XKR4: variants seen among roughly 807,000 people sequenced by gnomAD.
The protein encoded by XKR4 is XK related 4, also known as XK-related protein 4.
In XKR4, 12 loss-of-function variants were observed where a neutral mutation model predicts 53.9. That is an observed-to-expected ratio of 0.22 (90% CI 0.14 to 0.36). XKR4 has a LOEUF of 0.36. XKR4 is among the 10% of genes least tolerant of loss of function. XKR4 has a pLI of 1.00. For synonymous variants in XKR4, 354 were observed against 362.4 expected, an observed-to-expected ratio of 0.98 and a Z score of 0.26; for missense variants, 799 against 859.5, an observed-to-expected ratio of 0.93 and a Z score of 0.88.
intron 2 of XKR4, among the ~76,000 whole-genome samples, chr8:55,380,122 C>T (rs181450479): frequency 9.2e-5 from 14 of 152,370 alleles, no homozygotes; most frequent in Non-Finnish European, 1.2e-4. Context: ...TCTGAATGCT[C>T]CATTGGTTCT....
intron 2 of XKR4, among the ~76,000 whole-genome samples, chr8:55,428,302 G>A (rs58605794): frequency 1.4e-3 from 220 of 152,222 alleles, no homozygotes; most frequent in African/African-American, 5.1e-3. Flanking sequence ...TGCCTCATAT[G>A]TTTCAGATTT....
chr8:55,134,196 C>G (rs1033996913), intron 1 of XKR4, among the ~76,000 whole-genome samples: 2 of 152,170 alleles, frequency 1.3e-5, no homozygotes, highest in East Asian at 3.9e-4. Context: ...CTGAGCTCAC[C>G]CGAAATTCTA....
At chr8:55,133,177 CA>C (rs1423707622) in intron 1 of XKR4, among the ~76,000 whole-genome samples, 1 of 152,148 alleles carries the variant, frequency 6.6e-6, no homozygotes, top group Non-Finnish European at 1.5e-5. Context: ...TAATGGAAAA[CA>C]GCCACAAACT....
Position 55,535,507 on chromosome 8 carries a change from A to G in XKR4, c.*11280A>G, listed in dbSNP as rs1218449712. 1 of 151,970 alleles carries G rather than the reference A, an allele frequency of 6.6e-6. No homozygotes were observed. The highest frequency in any genetic ancestry group is 1.5e-5 in the Non-Finnish European group (1 of 67,968). 9.4% of individuals were successfully genotyped at this position (151,970 alleles called of 1,614,324 possible). A position where few individuals can be genotyped will look rare whatever the true frequency, so the allele number is the denominator to read the frequency against. On this transcript the variant is annotated 3_prime_UTR_variant, in exon 3 of 3. Coordinates refer to ENST00000327381, the MANE Select transcript of XKR4 (RefSeq NM_052898.2). ...TCATTTTCTGAACCCCAGAGCCCAC[A>G]TAGGTACAAAGATACTCTGTAATGT... is the stretch of plus-strand genomic sequence containing the variant.
intron 2 of XKR4, among the ~76,000 whole-genome samples, chr8:55,479,943 C>G (rs576175325): frequency 1.3e-5 from 2 of 152,086 alleles, no homozygotes; most frequent in African/African-American, 4.8e-5. Context: ...CAGGACCAGA[C>G]GGATTCACTG....
intron 2 of XKR4, chr8:55,450,930 T>C (rs896864009): frequency 6.6e-5 from 32 of 486,954 alleles, no homozygotes; most frequent in Non-Finnish European, 1.2e-4. Context: ...CCACTCTGAG[T>C]CCTCCAGCAA....
intron 2 of XKR4, among the ~76,000 whole-genome samples, chr8:55,457,334 G>A (rs1805586154): frequency 6.6e-6 from 1 of 151,976 alleles, no homozygotes; most frequent in Admixed American, 6.5e-5. Context: ...AGTAGAGATG[G>A]GGTTTCACCA....
chr8:55,254,578 C>T (rs953329758), intron 1 of XKR4, among the ~76,000 whole-genome samples: 3 of 152,134 alleles, frequency 2.0e-5, no homozygotes, highest in African/African-American at 7.2e-5. Flanking sequence ...ATAAAGGAAG[C>T]GTCGATCTCA....
intron 1 of XKR4, among the ~76,000 whole-genome samples, chr8:55,146,611 C>A (rs1185127099): frequency 6.6e-6 from 1 of 152,168 alleles, no homozygotes; most frequent in Admixed American, 6.5e-5. Flanking sequence ...TCACATGTGG[C>A]TAGTGGCTAC....
chr8:55,320,210 G>A (rs1292335957), intron 1 of XKR4, among the ~76,000 whole-genome samples: 1 of 152,224 alleles, frequency 6.6e-6, no homozygotes, highest in Non-Finnish European at 1.5e-5. Context: ...CAAAACAACA[G>A]AGCTGACAGT....
At chr8:55,427,409 C>T (rs1805032610) in intron 2 of XKR4, among the ~76,000 whole-genome samples, 1 of 152,148 alleles carries the variant, frequency 6.6e-6, no homozygotes. Context: ...CAAGGTCTCA[C>T]TATGTTGCCC....
At chr8:55,374,769 C>T (rs759637550) in intron 2 of XKR4, among the ~76,000 whole-genome samples, 6 of 152,104 alleles carry the variant, frequency 3.9e-5, no homozygotes, top group East Asian at 1.9e-4. Context: ...CACATCAGTG[C>T]GAAGTTTAGG....
intron 2 of XKR4, among the ~76,000 whole-genome samples, chr8:55,377,059 G>A (rs1385387901): frequency 6.6e-6 from 1 of 152,092 alleles, no homozygotes; most frequent in Non-Finnish European, 1.5e-5. Flanking sequence ...ATATTTGCGA[G>A]TTATAATGCC....
At chr8:55,319,097 T>A (rs1041863174) in intron 1 of XKR4, among the ~76,000 whole-genome samples, 4 of 152,182 alleles carry the variant, frequency 2.6e-5, no homozygotes, top group Admixed American at 2.0e-4. Context: ...CATGGAAAAC[T>A]ATTAAGGTCA....
At chr8:55,126,002 CT>C (rs766594900) in intron 1 of XKR4, among the ~76,000 whole-genome samples, 1 of 151,994 alleles carries the variant, frequency 6.6e-6, no homozygotes, top group Non-Finnish European at 1.5e-5. Flanking sequence ...TTTTGTATTC[CT>C]TTTTTTTATG....
chr8:55,173,189 G>A (rs1399940706), intron 1 of XKR4, among the ~76,000 whole-genome samples: 1 of 152,108 alleles, frequency 6.6e-6, no homozygotes, highest in Non-Finnish European at 1.5e-5. Flanking sequence ...GCACTTAAGA[G>A]TCCCCTTGGC....
chr8:55,429,546 G>GAA (rs201541808), intron 2 of XKR4, among the ~76,000 whole-genome samples: 2 of 148,856 alleles, frequency 1.3e-5, no homozygotes, highest in African/African-American at 4.9e-5. Context: ...TCATCTGTAT[G>GAA]AAAAAAAAAA....
chr8:55,312,714 G>C (rs1002943002), intron 1 of XKR4, among the ~76,000 whole-genome samples: 1 of 152,140 alleles, frequency 6.6e-6, no homozygotes, highest in African/African-American at 2.4e-5. Flanking sequence ...TGAATTTTAT[G>C]AGCATCTATT....
chr8:55,286,450 T>C (rs1818907597), intron 1 of XKR4, among the ~76,000 whole-genome samples: 5 of 152,272 alleles, frequency 3.3e-5, no homozygotes, highest in Middle Eastern at 3.4e-3. Context: ...AGGGGCAGCC[T>C]CTTTGGTCTG....
Sources: gnomAD v4.1 joint callset for allele counts (sites outside exome capture counted in the v4.1 genomes callset) on GRCh38, gnomAD v4.1.1 for gene constraint, MANE v1.5 for transcripts, NCBI Gene and HGNC (gene_info 2026-07-23, HGNC 2026-07-21) for gene names.